PCDHA12: variants seen among roughly 807,000 people sequenced by gnomAD.
PCDHA12 encodes the protein protocadherin alpha-12.
PCDHA12 carries 44 observed loss-of-function variants against 60.0 expected under a neutral mutation model. That is an observed-to-expected ratio of 0.73 (90% CI 0.58 to 0.94). The LOEUF is 0.94. Ranked by LOEUF, PCDHA12 falls within the 40% of genes least tolerant of loss-of-function variation. The pLI is 0.00. For synonymous variants in PCDHA12, 569 were observed against 553.0 expected, an observed-to-expected ratio of 1.03 and a Z score of -0.40; for missense variants, 1,276 against 1,239.7, an observed-to-expected ratio of 1.03 and a Z score of -0.44.
chr5:140,960,628 T>C (rs1474502656), intron 1 of PCDHA12, among the ~76,000 whole-genome samples: 1 of 152,192 alleles, frequency 6.6e-6, no homozygotes, highest in Non-Finnish European at 1.5e-5. Context: ...TTTTGAAATA[T>C]ATTTTTAAAA....
At chr5:140,993,777 G>A (rs1397168086) in intron 3 of PCDHA12, among the ~76,000 whole-genome samples, 1 of 152,042 alleles carries the variant, frequency 6.6e-6, no homozygotes, top group Non-Finnish European at 1.5e-5. Flanking sequence ...GCAGTATTTT[G>A]TACAGTAACA....
intron 1 of PCDHA12, among the ~76,000 whole-genome samples, chr5:140,957,571 G>A (rs2095367794): frequency 6.6e-6 from 1 of 152,068 alleles, no homozygotes; most frequent in African/African-American, 2.4e-5. Flanking sequence ...AGGGACTACT[G>A]TACTTTTAAC....
chr5:140,891,877 T>A (rs2063293050), intron 1 of PCDHA12, among the ~76,000 whole-genome samples: 1 of 152,218 alleles, frequency 6.6e-6, no homozygotes, highest in East Asian at 1.9e-4. Flanking sequence ...TTTGGCTCTG[T>A]CATGTGACGA....
At chr5:140,968,036 A>G (rs1554230231) in intron 1 of PCDHA12, 1 of 1,614,042 alleles carries the variant, frequency 6.2e-7, no homozygotes, top group African/African-American at 1.3e-5. Context: ...ACTGGTGGTG[A>G]GCGGCCCACT....
chr5:140,956,597 C>T (rs1015881961), intron 1 of PCDHA12, among the ~76,000 whole-genome samples: 1 of 152,054 alleles, frequency 6.6e-6, no homozygotes, highest in African/African-American at 2.4e-5. Flanking sequence ...TCAGGGATAT[C>T]AGCTGGAAGT....
intron 1 of PCDHA12, among the ~76,000 whole-genome samples, chr5:140,881,010 T>A (rs782629592): frequency 1.3e-5 from 2 of 152,198 alleles, no homozygotes; most frequent in Admixed American, 1.3e-4. Context: ...AGCAGAGCTA[T>A]GGAAATAAAC....
At chr5:140,999,858 C>G (rs1563644401) in intron 3 of PCDHA12, among the ~76,000 whole-genome samples, 3 of 152,170 alleles carry the variant, frequency 2.0e-5, no homozygotes. Context: ...CTCTTCCGCT[C>G]CAAGATTACT....
At chr5:140,929,160 T>G in intron 1 of PCDHA12, 1 of 1,614,130 alleles carries the variant, frequency 6.2e-7, no homozygotes, top group East Asian at 2.2e-5. Context: ...CTTATCTCTA[T>G]CGGGCCTCTC....
intron 1 of PCDHA12, among the ~76,000 whole-genome samples, chr5:140,907,506 A>G (rs1418997042): frequency 2.6e-5 from 4 of 152,234 alleles, no homozygotes; most frequent in Non-Finnish European, 5.9e-5. Flanking sequence ...GTAAGTGTCT[A>G]TTCCAGTGAG....
In PCDHA12 at chr5:140,877,153, A is replaced by C; in HGVS notation, c.1681A>C (p.Asn561His). The C allele has an allele frequency of 6.2e-7, 1 of 1,613,798 alleles. No individual in the cohort carries two copies. Among genetic ancestry groups the C allele is most frequent in the Non-Finnish European group, 8.5e-7 (1 of 1,179,846 alleles). The change falls in exon 1 of 4, where the codon AAC becomes CAC. Residue 561 changes from asparagine to histidine, a missense_variant. Transcript: ENST00000398631. Reference protein sequence around the residue: ...LQVFVLDENDNAPALLATPAG... With the variant: ...LQVFVLDENDHAPALLATPAG... ...GGTGTTCGTGCTGGACGAGAACGAC[A>C]ACGCGCCGGCACTGCTGGCGACTCC... is the stretch of plus-strand genomic sequence containing the variant.
intron 1 of PCDHA12, among the ~76,000 whole-genome samples, chr5:140,892,427 C>T (rs1429226685): frequency 6.6e-6 from 1 of 152,170 alleles, no homozygotes; most frequent in Admixed American, 6.5e-5. Flanking sequence ...GATAAAACCT[C>T]ATTATCTAAA....
chr5:140,961,776 A>G (rs1554225585), intron 1 of PCDHA12, among the ~76,000 whole-genome samples: 1 of 152,188 alleles, frequency 6.6e-6, no homozygotes, highest in African/African-American at 2.4e-5. Flanking sequence ...ATCAAGCTTA[A>G]TGGCACTTTT....
intron 3 of PCDHA12, among the ~76,000 whole-genome samples, chr5:141,005,808 C>T (rs2153985730): frequency 6.6e-6 from 1 of 150,460 alleles, no homozygotes; most frequent in African/African-American, 2.5e-5. Context: ...CTCCAAGGAG[C>T]CAGGTATGGT....
Position 141,009,737 on chromosome 5 carries a change from C to T in PCDHA12, c.2626C>T (p.Pro876Ser). The T allele has an allele frequency of 6.2e-7, 1 of 1,614,130 alleles. No homozygotes were observed. The highest frequency in any genetic ancestry group is 8.5e-7 in the Non-Finnish European group (1 of 1,180,024). Residue 876 changes from proline (P) to serine (S), a missense_variant, in exon 4 of 4, where the codon CCC becomes TCC. Physicochemically the swap from Pro to Ser is moderately conservative, Grantham distance 74 (BLOSUM62 -1). Coordinates refer to ENST00000398631, the MANE Select transcript of PCDHA12 (RefSeq NM_018903.4). ...NPKQSGPGEL[P>S]DKFIIPGSPA... Reference sequence around the variant, plus strand: ...CAAACAATCCGGTCCCGGTGAGTTGCCCGACAAATTCATTATCCCAGGATC... The same window carrying T: ...CAAACAATCCGGTCCCGGTGAGTTGTCCGACAAATTCATTATCCCAGGATC...
chr5:140,948,517 C>A (rs2094265494), intron 1 of PCDHA12, among the ~76,000 whole-genome samples: 1 of 151,496 alleles, frequency 6.6e-6, no homozygotes. Flanking sequence ...AAAATGTTAA[C>A]ACTATTTATA....
chr5:140,913,125 C>G (rs1164527264), intron 1 of PCDHA12, among the ~76,000 whole-genome samples: 1 of 152,132 alleles, frequency 6.6e-6, no homozygotes, highest in Non-Finnish European at 1.5e-5. Context: ...AAGTTAACCC[C>G]TCCTCTACTT....
intron 1 of PCDHA12, among the ~76,000 whole-genome samples, chr5:140,974,766 G>A (rs2096639663): frequency 6.6e-6 from 1 of 152,158 alleles, no homozygotes; most frequent in Non-Finnish European, 1.5e-5. Flanking sequence ...GGGATTACAG[G>A]TATGAGCCAC....
chr5:140,880,810 T>C (rs552209492), intron 1 of PCDHA12, among the ~76,000 whole-genome samples: 90 of 152,330 alleles, frequency 5.9e-4, no homozygotes, highest in Non-Finnish European at 1.1e-3. Flanking sequence ...TGAATGACTC[T>C]AGAGTGTCTG....
intron 1 of PCDHA12, chr5:140,966,879 GC>G: frequency 1.3e-6 from 2 of 1,587,514 alleles, no homozygotes; most frequent in Non-Finnish European, 1.7e-6. Flanking sequence ...CTGCTACCTG[GC>G]CCTGCGGCCT....
Sources: allele counts gnomAD v4.1 joint callset (sites outside exome capture counted in the v4.1 genomes callset), GRCh38; gene constraint gnomAD v4.1.1; transcripts MANE v1.5; gene names NCBI Gene and HGNC (gene_info 2026-07-23, HGNC 2026-07-21).